ARHGEF9: variants seen among roughly 807,000 people sequenced by gnomAD.
The protein encoded by ARHGEF9 is rho guanine nucleotide exchange factor 9.
A neutral mutation model predicts 41.3 loss-of-function variants in ARHGEF9; 2 were observed. The observed-to-expected ratio is 0.05, with a 90% confidence interval of 0.02 to 0.15. The LOEUF is 0.15. ARHGEF9 is among the 10% of genes least tolerant of loss of function. The pLI is 1.00. For synonymous variants in ARHGEF9, 160 were observed against 154.4 expected, an observed-to-expected ratio of 1.04 and a Z score of -0.27; for missense variants, 225 against 424.7, an observed-to-expected ratio of 0.53 and a Z score of 4.13.
intron 9 of ARHGEF9, among the ~76,000 whole-genome samples, 154 bp downstream of exon 9, chrX:63,643,826 A>G (rs1337949640): frequency 3.6e-5 from 4 of 110,802 alleles, no homozygotes; most frequent in South Asian, 3.8e-4. Flanking sequence ...AGCATTTAAA[A>G]CCATTTGCTA....
chrX:63,738,224 T>G (rs1556424485), intron 1 of ARHGEF9, among the ~76,000 whole-genome samples: 1 of 111,787 alleles, frequency 8.9e-6, no homozygotes, highest in African/African-American at 3.3e-5. Context: ...TGTTGTATAT[T>G]ACCATAAAAA....
intron 1 of ARHGEF9, among the ~76,000 whole-genome samples, chrX:63,744,305 C>A (rs782042889): frequency 1.4e-4 from 16 of 112,395 alleles, no homozygotes; most frequent in Admixed American, 4.7e-4. Context: ...CAGTGGCTTG[C>A]ACATCTTGCA....
intron 4 of ARHGEF9, among the ~76,000 whole-genome samples, chrX:63,679,042 C>G (rs2050448804): frequency 8.9e-6 from 1 of 111,811 alleles, no homozygotes; most frequent in South Asian, 3.7e-4. Flanking sequence ...GATATTATCT[C>G]CATAAAATGT....
At chrX:63,650,486 A>T (rs2048473079) in intron 8 of ARHGEF9, among the ~76,000 whole-genome samples, 1 of 111,417 alleles carries the variant, frequency 9.0e-6, no homozygotes, top group African/African-American at 3.3e-5. Flanking sequence ...AATGGTGATT[A>T]TCAGTGGCTC....
At chrX:63,730,484 T>C (rs1470518331) in intron 1 of ARHGEF9, among the ~76,000 whole-genome samples, 3 of 112,058 alleles carry the variant, frequency 2.7e-5, no homozygotes, top group Non-Finnish European at 1.9e-5. Flanking sequence ...ACCCTGTGAA[T>C]GACCTACAGC....
intron 8 of ARHGEF9, among the ~76,000 whole-genome samples, chrX:63,646,931 G>A (rs2048132000): frequency 1.8e-5 from 2 of 111,196 alleles, no homozygotes; most frequent in South Asian, 7.7e-4. Context: ...AGTTGTCCTT[G>A]AAGAGTTCCT....
In ARHGEF9 at chrX:63,665,313, A is replaced by G. The variant is rs781849772; in HGVS notation, c.1077+573T>C. ...AGTAAGACCTCTCCTCTAATGGATT[A>G]CAAAGAAGGAAGAGTGGAGAAGAGC... On this transcript the variant is annotated intron_variant, in intron 7 of 9. Coordinates refer to ENST00000671741, the MANE Select transcript of ARHGEF9 (RefSeq NM_001353921.2). Among the ~76,000 whole-genome samples, 63 of 112,710 alleles carry G rather than the reference A, an allele frequency of 5.6e-4. 1 individual carries two copies. The South Asian group carries it at 9.2e-3, about 16-fold the overall frequency.
rs782508752 is a variant in ARHGEF9 at position 63,643,957 on chromosome X, G to T, written c.1390+23C>A. The T allele has an allele frequency of 1.1e-5, 13 of 1,197,681 alleles. No individual in the cohort carries two copies. In the South Asian group the frequency reaches 2.3e-4, roughly 21 times the overall value. On this transcript the variant is annotated intron_variant, in intron 9 of 9. Transcript: ENST00000671741. Reference sequence around the variant, plus strand: ...GCTTATGATTCCATAGTCTTTCACAGAGACTGAGTGGGGCAGCTTTACCTT... The same window carrying T: ...GCTTATGATTCCATAGTCTTTCACATAGACTGAGTGGGGCAGCTTTACCTT...
Position 63,767,361 on chromosome X carries a change from T to C in ARHGEF9, c.30+17755A>G, listed in dbSNP as rs1232567261. On this transcript the variant is annotated intron_variant, in intron 1 of 9. Transcript: ENST00000671741. ...GAATTGAGTCAACTTCTGAAGAAGA[T>C]AAAACTTGAAGAAGTTACTGGGAGC... 6 of 617,764 alleles carry C rather than the reference T, an allele frequency of 9.7e-6. No homozygotes were observed. In the East Asian group the frequency reaches 2.6e-4, roughly 27 times the overall value. The allele number at this position is 617,764 out of a possible 1,213,427, so 50.9% of individuals were successfully genotyped here.
At chrX:63,760,752 G>T (rs782147865) in intron 1 of ARHGEF9, among the ~76,000 whole-genome samples, 18 of 111,490 alleles carry the variant, frequency 1.6e-4, no homozygotes, top group Non-Finnish European at 3.2e-4. Flanking sequence ...GGGCCCACAT[G>T]GTGCTAGGCC....
chrX:63,775,276 C>G (rs781811629), intron 1 of ARHGEF9, among the ~76,000 whole-genome samples: 6 of 112,468 alleles, frequency 5.3e-5, no homozygotes, highest in Non-Finnish European at 1.1e-4. Context: ...GGAGATTTCT[C>G]AAAGAACTTA....
chrX:63,644,928 G>A (rs1409375282), intron 8 of ARHGEF9, among the ~76,000 whole-genome samples: 7 of 108,587 alleles, frequency 6.4e-5, no homozygotes, highest in Admixed American at 6.0e-4. Context: ...ACCACACCTG[G>A]CTAATTGTTT....
chrX:63,760,535 G>A (rs1385057374), intron 1 of ARHGEF9, among the ~76,000 whole-genome samples: 2 of 111,883 alleles, frequency 1.8e-5, no homozygotes, highest in Non-Finnish European at 3.8e-5. Flanking sequence ...AATCAGTGAT[G>A]CACATAATTT....
chrX:63,768,249 G>C (rs1602740062), intron 1 of ARHGEF9, among the ~76,000 whole-genome samples: 1 of 111,818 alleles, frequency 8.9e-6, no homozygotes. Context: ...TTCCATTCCT[G>C]AGTTACTTCA....
chrX:63,660,091 C>T (rs868920207), intron 7 of ARHGEF9, among the ~76,000 whole-genome samples: 4 of 111,926 alleles, frequency 3.6e-5, no homozygotes, highest in Non-Finnish European at 7.5e-5. Flanking sequence ...CACATGCACG[C>T]GTATGTTCAC....
At chrX:63,776,120 C>CT (rs782202291) in intron 1 of ARHGEF9, among the ~76,000 whole-genome samples, 12 of 110,801 alleles carry the variant, frequency 1.1e-4, no homozygotes, top group Non-Finnish European at 2.1e-4. Flanking sequence ...AGAAAAACCC[C>CT]TTTTTCCAAA....
intron 1 of ARHGEF9, among the ~76,000 whole-genome samples, chrX:63,784,558 T>TA (rs1339567987): frequency 8.9e-6 from 1 of 112,236 alleles, no homozygotes; most frequent in Non-Finnish European, 1.9e-5. Flanking sequence ...GGAAGGGCTT[T>TA]AGGGCTCCCT....
chrX:63,745,428 T>C (rs184486710), intron 1 of ARHGEF9, among the ~76,000 whole-genome samples: 3 of 111,172 alleles, frequency 2.7e-5, no homozygotes, highest in Admixed American at 1.9e-4. Context: ...TCCAGGAGGT[T>C]ATATAAAGCT....
intron 4 of ARHGEF9, among the ~76,000 whole-genome samples, chrX:63,682,859 A>T (rs1423345690): frequency 8.9e-6 from 1 of 111,993 alleles, no homozygotes. Flanking sequence ...GCCATTTATG[A>T]GATGCCCACA....
Sources: allele counts gnomAD v4.1 joint callset (sites outside exome capture counted in the v4.1 genomes callset), GRCh38; gene constraint gnomAD v4.1.1; transcripts MANE v1.5; gene names NCBI Gene and HGNC (gene_info 2026-07-23, HGNC 2026-07-21).